Variants in PTPRC observed in about 807,000 individuals in gnomAD.
PTPRC encodes protein tyrosine phosphatase receptor type C, also known as receptor-type tyrosine-protein phosphatase C.
A neutral mutation model predicts 155.9 loss-of-function variants in PTPRC; 44 were observed. The ratio of observed to expected loss-of-function variants is 0.28; its 90% confidence interval spans 0.22 to 0.36. The LOEUF is 0.36. Ranked by LOEUF, PTPRC falls within the 10% of genes least tolerant of loss-of-function variation. The probability of loss-of-function intolerance (pLI) is 1.00; values close to 1 mark genes in which losing one functional copy is unlikely to be tolerated. For synonymous variants in PTPRC, 525 were observed against 533.1 expected, an observed-to-expected ratio of 0.98 and a Z score of 0.21; for missense variants, 1,401 against 1,564.6, an observed-to-expected ratio of 0.90 and a Z score of 1.76.
At chr1:198,718,790 A>C (rs1423674396) in intron 14 of PTPRC, among the ~76,000 whole-genome samples, 2 of 152,260 alleles carry the variant, frequency 1.3e-5, no homozygotes, top group East Asian at 3.9e-4. Context: ...TTGTACATGT[A>C]ACTTCATAAT....
At position 198,653,681 on chromosome 1, in the gene PTPRC, A is replaced by C. The variant is rs186062229; in HGVS notation, c.73+14340A>C. 3.2e-3 allele frequency among the ~76,000 whole-genome samples: 491 copies of C among 151,962 alleles called. 8 individuals are homozygous for C. Among genetic ancestry groups the C allele is most frequent in the Non-Finnish European group, 1.2e-3 (80 of 67,874 alleles). On this transcript the variant is annotated intron_variant, in intron 2 of 32. Transcript: ENST00000442510. ...AAGTTTTGTCAGTGTCTGGAAGAAA[A>C]TACTTCCCATGGATCATCTTTTTGC... is the stretch of plus-strand genomic sequence containing the variant.
intron 17 of PTPRC, among the ~76,000 whole-genome samples, chr1:198,730,727 C>T (rs1277161786): frequency 3.3e-5 from 5 of 152,036 alleles, no homozygotes; most frequent in Non-Finnish European, 7.4e-5. Flanking sequence ...TGAATGTGGC[C>T]CTCAGTTCAG....
chr1:198,664,896 C>G (rs1664189888), intron 2 of PTPRC, among the ~76,000 whole-genome samples: 1 of 152,054 alleles, frequency 6.6e-6, no homozygotes, highest in South Asian at 2.1e-4. Flanking sequence ...TGTGATACTC[C>G]CATATTAAAA....
chr1:198,720,234 T>A (rs987831428), intron 14 of PTPRC, among the ~76,000 whole-genome samples: 1 of 152,216 alleles, frequency 6.6e-6, no homozygotes, highest in Non-Finnish European at 1.5e-5. Flanking sequence ...TTGGATGACA[T>A]CATTCTTATT....
At chr1:198,643,335 T>A (rs1372907142) in intron 2 of PTPRC, among the ~76,000 whole-genome samples, 1 of 151,304 alleles carries the variant, frequency 6.6e-6, no homozygotes, top group Non-Finnish European at 1.5e-5. Context: ...ACTGAATAAA[T>A]CATAGATTAA....
intron 15 of PTPRC, among the ~76,000 whole-genome samples, chr1:198,722,984 T>C (rs896497311): frequency 6.6e-6 from 1 of 151,808 alleles, no homozygotes; most frequent in Non-Finnish European, 1.5e-5. Context: ...CATGAAAAAT[T>C]ACTTAGAATT....
intron 8 of PTPRC, among the ~76,000 whole-genome samples, chr1:198,705,120 C>CT (rs919183172): frequency 2.2e-3 from 320 of 147,718 alleles, no homozygotes; most frequent in African/African-American, 6.2e-3. Context: ...GTTTGTCTCT[C>CT]TTTTTTTTTT....
chr1:198,642,047 A>G (rs183343155), intron 2 of PTPRC, among the ~76,000 whole-genome samples: 4 of 152,144 alleles, frequency 2.6e-5, no homozygotes, highest in Admixed American at 2.6e-4. Flanking sequence ...AAAATGTCCT[A>G]CTAAAAACCT....
intron 2 of PTPRC, chr1:198,679,898 G>T: frequency 3.3e-6 from 2 of 614,242 alleles, no homozygotes; most frequent in Non-Finnish European, 5.8e-6. Flanking sequence ...ATGCTGGTGG[G>T]TCTGTTAACC....
chr1:198,686,211 A>T (rs903128886), intron 2 of PTPRC, among the ~76,000 whole-genome samples: 1 of 152,152 alleles, frequency 6.6e-6, no homozygotes, highest in Non-Finnish European at 1.5e-5. Flanking sequence ...GTGTTCTGTT[A>T]TCTACATTTT....
Position 198,688,318 on chromosome 1 carries a change from T to G in PTPRC, c.74-4029T>G, listed in dbSNP as rs1665743852. ...AAGGAAAATGTTGGCTCTTTAGATA[T>G]TATACTGTTTTCCAGGATATTAAAT... On this transcript the variant is annotated intron_variant, in intron 2 of 32. Transcript: ENST00000442510. Among the ~76,000 whole-genome samples, 3 of 152,106 alleles carry G rather than the reference T, an allele frequency of 2.0e-5. No homozygotes were observed. The South Asian group carries it at 6.2e-4, about 32-fold the overall frequency.
intron 26 of PTPRC, among the ~76,000 whole-genome samples, chr1:198,747,463 G>A (rs1655185257): frequency 6.6e-6 from 1 of 151,822 alleles, no homozygotes; most frequent in African/African-American, 2.4e-5. Context: ...TTCATCTTCA[G>A]AAGAGCATCT....
intron 2 of PTPRC, among the ~76,000 whole-genome samples, chr1:198,650,479 G>A (rs1271926225): frequency 6.6e-6 from 1 of 151,820 alleles, no homozygotes; most frequent in East Asian, 1.9e-4. Flanking sequence ...TGGCTGCATG[G>A]AAAAGACAAA....
At chr1:198,732,592 A>T (rs1205971795) in intron 20 of PTPRC, 36 bp downstream of exon 20, 6 of 1,455,212 alleles carry the variant, frequency 4.1e-6, no homozygotes, top group Non-Finnish European at 5.8e-6. Flanking sequence ...ATACCTACAT[A>T]TTTCATTCAG....
chr1:198,703,616 TCTA>T, intron 7 of PTPRC: 1 of 629,722 alleles, frequency 1.6e-6, no homozygotes, highest in South Asian at 1.9e-5. Context: ...AACAACCACA[TCTA>T]CTAGAACTTT....
At chr1:198,716,979 C>G (rs36126034) in intron 13 of PTPRC, 139 bp downstream of exon 13, 8 of 745,768 alleles carry the variant, frequency 1.1e-5, no homozygotes, top group African/African-American at 1.8e-5. Flanking sequence ...CTTATAAACA[C>G]GTAAAATCTA....
At chr1:198,749,965 A>G (rs1655304664) in intron 28 of PTPRC, among the ~76,000 whole-genome samples, 1 of 151,890 alleles carries the variant, frequency 6.6e-6, no homozygotes, top group Non-Finnish European at 1.5e-5. Context: ...TCTGTGTCAT[A>G]TCCCCCCACT....
Position 198,756,760 on chromosome 1 carries a change from A to AAAG in PTPRC, c.*580_*582dup, listed in dbSNP as rs926144956. 6.6e-6 allele frequency: 1 copy of AAAG among 152,034 alleles called. No individual in the cohort carries two copies. The highest frequency in any genetic ancestry group is 1.9e-4 in the East Asian group (1 of 5,168). The allele number at this position is 152,034 out of a possible 1,614,324, so 9.4% of individuals were successfully genotyped here. A position where few individuals can be genotyped will look rare whatever the true frequency, so the allele number is the denominator to read the frequency against. On this transcript the variant is annotated 3_prime_UTR_variant, in exon 33 of 33. Coordinates refer to ENST00000442510, the MANE Select transcript of PTPRC (RefSeq NM_002838.5). ...GTATGTGTGTGTATGCTACTACAAA[A>AAAG]AAGTTGTTAACTAAATTAACATTGG... is the stretch of plus-strand genomic sequence containing the variant.
chr1:198,648,727 T>C (rs1488395282), intron 2 of PTPRC, among the ~76,000 whole-genome samples: 1 of 151,858 alleles, frequency 6.6e-6, no homozygotes, highest in African/African-American at 2.4e-5. Flanking sequence ...ACATCTTTGA[T>C]TAATTTGTCT....
Sources: allele counts gnomAD v4.1 joint callset (sites outside exome capture counted in the v4.1 genomes callset), GRCh38; gene constraint gnomAD v4.1.1; transcripts MANE v1.5; gene names NCBI Gene and HGNC (gene_info 2026-07-23, HGNC 2026-07-21).